The following TMEM200C variants were observed in gnomAD, a reference collection of about 807,000 sequenced individuals.
TMEM200C encodes transmembrane protein 200C, also known as transmembrane protein TTMA.
For missense variants in TMEM200C, 966 were observed against 699.9 expected (o/e 1.38, Z -4.29); for synonymous variants, 462 against 324.7 (o/e 1.42, Z -4.55).
chr18:5,884,131 A>T (rs1331888979), exon 3 of TMEM200C: 1 of 152,164 alleles, frequency 6.6e-6, no homozygotes, highest in Admixed American at 6.6e-5. Context: ...CTACTTATAA[A>T]GGAGACATCT....
chr18:5,882,814 TAGAAATACAA>T (rs2095162734), exon 3 of TMEM200C: 1 of 152,132 alleles, frequency 6.6e-6, no homozygotes, highest in Non-Finnish European at 1.5e-5. Context: ...GAAATAAAAC[TAGAAATACAA>T]AGAGAATAAA....
At position 5,888,862 on chromosome 18, in the gene TMEM200C, G is replaced by A. The variant is rs1052271642; in HGVS notation, c.*1336C>T. On this transcript the variant is annotated 3_prime_UTR_variant, in exon 3 of 3. Transcript: ENST00000581347. ...GAAAGATGACTGAGACTCAGAGTTT[G>A]TGACTTGTACAAGGCCTCACAGCTA... 3.9e-5 allele frequency: 6 copies of A among 152,162 alleles called. No individual in the cohort carries two copies. In the East Asian group the frequency reaches 1.2e-3, roughly 29 times the overall value. The allele number at this position is 152,162 out of a possible 1,614,324, so 9.4% of individuals were successfully genotyped here.
chr18:5,893,038 TG>T (rs758807120), intron 2 of TMEM200C, among the ~76,000 whole-genome samples: 24 of 152,156 alleles, frequency 1.6e-4, no homozygotes, highest in Non-Finnish European at 2.6e-4. Context: ...AAAGGTATCA[TG>T]TGTCAGATTT....
Position 5,891,075 on chromosome 18 carries a change from G to T in TMEM200C, c.989C>A (p.Ser330Ter). ...GGCCCGGCGACTGCCTGCCACGCCC[G>T]AGCGCTCGCGGTAGACGCTGTACAC... The change falls in exon 3 of 3, where the codon TCG becomes TAG. Residue 330 changes from serine (S) to a stop codon, truncating the protein, a stop_gained. Transcript: ENST00000581347. LOFTEE classifies it low-confidence loss of function (END_TRUNC). This position sits in a 1 kb window ranked among gnomAD's most constrained non-coding sequence, Gnocchi z 4.7. 1.9e-6 allele frequency: 1 copy of T among 534,880 alleles called. No homozygotes were observed. The highest frequency in any genetic ancestry group is 2.5e-5 in the South Asian group (1 of 40,272). The allele number at this position is 534,880 out of a possible 1,614,324, so 33.1% of individuals were successfully genotyped here.
At position 5,891,647 on chromosome 18, in the gene TMEM200C, G is replaced by A; in HGVS notation, c.417C>T (p.Ala139=). 1 of 1,613,808 alleles carries A rather than the reference G, an allele frequency of 6.2e-7. No homozygotes were observed. Among genetic ancestry groups the A allele is most frequent in the African/African-American group, 1.3e-5 (1 of 75,044 alleles). Reference sequence around the variant, plus strand: ...ACGTGGAGGAGGAGGACGGGGAGGCGGCTCGTGCTGGAGGCGTGCTCCTGG... The same window carrying A: ...ACGTGGAGGAGGAGGACGGGGAGGCAGCTCGTGCTGGAGGCGTGCTCCTGG... Residue 139 remains alanine, a synonymous_variant, in exon 3 of 3, where the codon GCC becomes GCT. Coordinates refer to ENST00000581347, the Ensembl canonical transcript of TMEM200C. This position sits in a 1 kb window ranked among gnomAD's most constrained non-coding sequence, Gnocchi z 4.7.
chr18:5,893,061 T>G (rs924570582), intron 2 of TMEM200C, among the ~76,000 whole-genome samples: 9 of 152,298 alleles, frequency 5.9e-5, no homozygotes, highest in African/African-American at 1.9e-4. Context: ...ATCAGGGAAT[T>G]TGAGAAGTCC....
Position 5,891,352 on chromosome 18 carries a change from CG to C in TMEM200C, c.711del (p.Ala238ProfsTer24). ...GGTATGGCCCCGGGGGGCGCCGCGGCGGGGGCAGACGACGACGAAGAGGCGG... is the reference window on the plus strand; with the variant it reads ...GGTATGGCCCCGGGGGGCGCCGCGGCGGGGCAGACGACGACGAAGAGGCGG... On this transcript the variant is annotated frameshift_variant, in exon 3 of 3. Coordinates refer to ENST00000581347, the Ensembl canonical transcript of TMEM200C. LOFTEE classifies it low-confidence loss of function (END_TRUNC). The surrounding 1 kb of genome is among the most constrained non-coding windows in gnomAD (Gnocchi z 4.7). The C allele has an allele frequency of 1.5e-6, 2 of 1,325,570 alleles. No homozygotes were observed. Among genetic ancestry groups the C allele is most frequent in the South Asian group, 2.4e-5 (1 of 41,714 alleles). 82.1% of individuals were successfully genotyped at this position (1,325,570 alleles called of 1,614,324 possible).
intron 2 of TMEM200C, among the ~76,000 whole-genome samples, chr18:5,893,897 G>A (rs2095173505): frequency 6.6e-6 from 1 of 150,774 alleles, no homozygotes; most frequent in Non-Finnish European, 1.5e-5. Flanking sequence ...GCACCAGTAA[G>A]TACAGATTGA....
exon 3 of TMEM200C, chr18:5,884,462 C>A (rs1445584331): frequency 6.6e-6 from 1 of 152,078 alleles, no homozygotes; most frequent in South Asian, 2.1e-4. Flanking sequence ...GTCTCAGAAA[C>A]AATACTATTA....
chr18:5,889,107 A>G (rs1036649520), exon 3 of TMEM200C: 2 of 152,244 alleles, frequency 1.3e-5, no homozygotes, highest in African/African-American at 4.8e-5. Context: ...TTAACTTATA[A>G]TCAGTGATAG....
At chr18:5,895,768 C>T (rs1345596016) in intron 1 of TMEM200C, 3 of 151,102 alleles carry the variant, frequency 2.0e-5, no homozygotes. Flanking sequence ...CGGGGTGCCT[C>T]CTCGGCCTCG....
chr18:5,888,380 T>C (rs1278065605), exon 3 of TMEM200C: 1 of 152,214 alleles, frequency 6.6e-6, no homozygotes, highest in Non-Finnish European at 1.5e-5. Context: ...TTAGGCCCTT[T>C]TAAAGTGTAT....
rs2095175786 is a variant in TMEM200C, at chr18:5,895,849, A to T, written c.-546+6T>A. 2.7e-5 allele frequency: 4 copies of T among 150,584 alleles called. 1 individual carries two copies. The South Asian group carries it at 8.4e-4, about 32-fold the overall frequency. 9.3% of individuals were successfully genotyped at this position (150,584 alleles called of 1,614,324 possible). A position where few individuals can be genotyped will look rare whatever the true frequency, so the allele number is the denominator to read the frequency against. The stretch of plus-strand genomic sequence containing the variant: ...GGGCAGCTTTGTTCTTCTTTCCTCC[A>T]ACTACCTGTCTGAGCCGCGGGCCCC... On this transcript the variant is annotated splice_donor_region_variant and intron_variant, in intron 1 of 2. Coordinates refer to ENST00000581347, the Ensembl canonical transcript of TMEM200C.
In TMEM200C at chr18:5,890,611, C is replaced by A; in HGVS notation, c.1453G>T (p.Glu485Ter). Reference sequence around the variant, plus strand: ...GCACTCCCCGGGGAGGGCGGGGGCTCGGGGGACGGCGGCGCCCGGTAGTCC... The same window carrying A: ...GCACTCCCCGGGGAGGGCGGGGGCTAGGGGGACGGCGGCGCCCGGTAGTCC... The change falls in exon 3 of 3, where the codon GAG becomes TAG. Residue 485 changes from glutamate to a stop codon, truncating the protein, a stop_gained. Coordinates refer to ENST00000581347, the Ensembl canonical transcript of TMEM200C. LOFTEE classifies it low-confidence loss of function (END_TRUNC). 1 of 1,063,316 alleles carries A rather than the reference C, an allele frequency of 9.4e-7. No homozygotes were observed. The highest frequency in any genetic ancestry group is 1.2e-6 in the Non-Finnish European group (1 of 822,796). 65.9% of individuals were successfully genotyped at this position (1,063,316 alleles called of 1,614,324 possible).
chr18:5,891,239 C>A lies in TMEM200C; in HGVS notation c.825G>T (p.Ala275=), dbSNP rs1024778975. ...ACGAGCCCTTGGCCAGCATCGCCGC[C>A]GCTCCGAAGGCGTCCCCGGAGCCAC... Residue 275 remains alanine (A), a synonymous_variant, in exon 3 of 3, where the codon GCG becomes GCT. Transcript: ENST00000581347. The surrounding 1 kb of genome is among the most constrained non-coding windows in gnomAD (Gnocchi z 4.7). 1 of 1,346,916 alleles carries A rather than the reference C, an allele frequency of 7.4e-7. No homozygotes were observed. The highest frequency in any genetic ancestry group is 1.7e-5 in the South Asian group (1 of 60,340). 83.4% of individuals were successfully genotyped at this position (1,346,916 alleles called of 1,614,324 possible). A position where few individuals can be genotyped will look rare whatever the true frequency, so the allele number is the denominator to read the frequency against.
At chr18:5,892,307 C>T in intron 2 of TMEM200C, 150 bp from the exon 2 acceptor site, 2 of 569,660 alleles carry the variant, frequency 3.5e-6, no homozygotes, top group Non-Finnish European at 6.2e-6. Context: ...TGTACAGAGG[C>T]TGGAGCCAGG....
chr18:5,890,524 C>T (rs767244058), exon 3 of TMEM200C: 2 of 1,496,646 alleles, frequency 1.3e-6, no homozygotes, highest in Non-Finnish European at 8.9e-7. Flanking sequence ...GGGGGCGAGC[C>T]CTCCAGCCGC....
chr18:5,891,557 C>T lies in TMEM200C; in HGVS notation c.507G>A (p.Gly169=), dbSNP rs2095171078. The T allele has an allele frequency of 1.2e-6, 2 of 1,613,558 alleles. No homozygotes were observed. The highest frequency in any genetic ancestry group is 8.5e-7 in the Non-Finnish European group (1 of 1,179,764). ...AGATGCCGATGCCCATGATGAGGGG[C>T]CCGAAGACCTTGAGCTTGTCAGAGT... Residue 169 remains glycine (G), a synonymous_variant, in exon 3 of 3, where the codon GGG becomes GGA. Coordinates refer to ENST00000581347, the Ensembl canonical transcript of TMEM200C. The surrounding 1 kb of genome is among the most constrained non-coding windows in gnomAD (Gnocchi z 4.7).
At chr18:5,890,301 G>A (rs1199823028) in exon 3 of TMEM200C, 1 of 1,601,612 alleles carries the variant, frequency 6.2e-7, no homozygotes, top group Non-Finnish European at 8.5e-7. Flanking sequence ...CACCGGCTGA[G>A]GTTGCTCGGC....
Sources: gnomAD v4.1 joint callset for allele counts (sites outside exome capture counted in the v4.1 genomes callset) on GRCh38, gnomAD v4.1.1 for gene constraint, Gnocchi (gnomAD v3.1) non-coding constraint, MANE v1.5 for transcripts, NCBI Gene and HGNC (gene_info 2026-07-23, HGNC 2026-07-21) for gene names.